Variants in MALRD1 observed in about 807,000 individuals in gnomAD.
MALRD1 encodes MAM and LDL-receptor class A domain-containing protein 1.
In MALRD1, 247 loss-of-function variants were observed where a neutral mutation model predicts 242.1. That is an observed-to-expected ratio of 1.02 (90% CI 0.92 to 1.13). The LOEUF (loss-of-function observed/expected upper bound fraction) is 1.13, where lower values mean the gene tolerates loss of function less well. MALRD1 is among the 50% of genes most tolerant of loss of function. The pLI is 0.00. For synonymous variants in MALRD1, 995 were observed against 866.6 expected, an observed-to-expected ratio of 1.15 and a Z score of -2.60; for missense variants, 2,989 against 2,533.1, an observed-to-expected ratio of 1.18 and a Z score of -3.86.
chr10:19,285,125 T>G (rs1367791973), intron 21 of MALRD1, among the ~76,000 whole-genome samples: 19 of 138,020 alleles, frequency 1.4e-4, no homozygotes, highest in Middle Eastern at 3.6e-3. Context: ...TAAATTTGTT[T>G]GAGTTCATTG....
intron 18 of MALRD1, among the ~76,000 whole-genome samples, chr10:19,214,791 A>G (rs1837234579): frequency 6.6e-6 from 1 of 152,220 alleles, no homozygotes; most frequent in South Asian, 2.1e-4. Flanking sequence ...GCCAAATCAG[A>G]GCTGTAAGGT....
At chr10:19,171,342 G>A (rs1321964782) in intron 13 of MALRD1, among the ~76,000 whole-genome samples, 1 of 150,184 alleles carries the variant, frequency 6.7e-6, no homozygotes, top group Non-Finnish European at 1.5e-5. Flanking sequence ...GCTCTTCTGA[G>A]TGACCTCTTT....
chr10:19,680,417 T>C (rs1336035409), intron 36 of MALRD1, among the ~76,000 whole-genome samples: 2 of 152,142 alleles, frequency 1.3e-5, no homozygotes, highest in African/African-American at 2.4e-5. Flanking sequence ...TTTTTGATCT[T>C]TGTTGGTTTA....
intron 28 of MALRD1, among the ~76,000 whole-genome samples, chr10:19,407,592 G>A (rs1466624010): frequency 6.6e-6 from 1 of 151,908 alleles, no homozygotes; most frequent in Non-Finnish European, 1.5e-5. Flanking sequence ...AATAGAAAAG[G>A]CAACTAATAA....
Position 19,481,830 on chromosome 10 carries a change from G to A in MALRD1, c.5030-9687G>A, listed in dbSNP as rs138339254. 1.4e-4 allele frequency among the ~76,000 whole-genome samples: 21 copies of A among 152,086 alleles called. No individual in the cohort carries two copies. The South Asian group carries it at 2.7e-3, about 20-fold the overall frequency. On this transcript the variant is annotated intron_variant, in intron 29 of 39. Transcript: ENST00000454679. ...GGTCATCAACAATTTATATTAACACGCCAGTACAAGCTGGGGCTGCTTTTA... is the reference window on the plus strand; with the variant it reads ...GGTCATCAACAATTTATATTAACACACCAGTACAAGCTGGGGCTGCTTTTA...
intron 18 of MALRD1, among the ~76,000 whole-genome samples, chr10:19,251,514 G>T (rs1216913352): frequency 6.6e-6 from 1 of 151,890 alleles, no homozygotes; most frequent in Non-Finnish European, 1.5e-5. Flanking sequence ...GAAATGGAAG[G>T]TACTTCTCTG....
chr10:19,554,422 C>T (rs1835622739), intron 32 of MALRD1, among the ~76,000 whole-genome samples: 1 of 152,066 alleles, frequency 6.6e-6, no homozygotes, highest in Non-Finnish European at 1.5e-5. Flanking sequence ...GGTACATGCG[C>T]AGGATGTGCA....
In MALRD1 at chr10:19,583,714, G is replaced by A. The variant is rs1837246059; in HGVS notation, c.5681-11480G>A. On this transcript the variant is annotated intron_variant, in intron 33 of 39. Coordinates refer to ENST00000454679, the MANE Select transcript of MALRD1 (RefSeq NM_001142308.3). ...TTTGGTTGTGTCTCTGCCCGGCTTT[G>A]GTATCAGGATGATGCTGGCCTCATA... Among the ~76,000 whole-genome samples the A allele has an allele frequency of 2.0e-5, 3 of 151,872 alleles. No homozygotes were observed. The South Asian group carries it at 6.3e-4, about 32-fold the overall frequency.
chr10:19,080,075 C>T (rs1297389128), intron 2 of MALRD1, among the ~76,000 whole-genome samples: 1 of 151,844 alleles, frequency 6.6e-6, no homozygotes, highest in Non-Finnish European at 1.5e-5. Context: ...AATGAAGGAC[C>T]TCTTCAAGGA....
chr10:19,140,258 A>C (rs1048678936), intron 10 of MALRD1, among the ~76,000 whole-genome samples: 2 of 152,154 alleles, frequency 1.3e-5, no homozygotes, highest in Admixed American at 1.3e-4. Context: ...TGCACAATGA[A>C]ATTCTTTCTT....
chr10:19,389,399 A>G (rs1406079584), intron 27 of MALRD1, 53 bp from the exon 28 acceptor site: 8 of 1,516,376 alleles, frequency 5.3e-6, no homozygotes, highest in Middle Eastern at 1.7e-4. Context: ...AAATGCAAAA[A>G]TAATCCCATC....
At chr10:19,238,532 C>CAATGTAT (rs1838576262) in intron 18 of MALRD1, among the ~76,000 whole-genome samples, 3 of 55,866 alleles carry the variant, frequency 5.4e-5, no homozygotes, top group African/African-American at 1.5e-4. Context: ...ATATAATATA[C>CAATGTAT]ATTATATATA....
chr10:19,642,646 A>G (rs1840445755), intron 36 of MALRD1, among the ~76,000 whole-genome samples: 1 of 152,210 alleles, frequency 6.6e-6, no homozygotes, highest in Admixed American at 6.5e-5. Context: ...AAGATCTGAA[A>G]GCAACAACAA....
At chr10:19,272,253 A>C (rs552847135) in intron 19 of MALRD1, among the ~76,000 whole-genome samples, 42 of 152,212 alleles carry the variant, frequency 2.8e-4, no homozygotes, top group African/African-American at 8.9e-4. Context: ...GTGATTGATA[A>C]ATTAAAGGTC....
chr10:19,108,915 A>T (rs1372060761), intron 5 of MALRD1, among the ~76,000 whole-genome samples: 1 of 152,082 alleles, frequency 6.6e-6, no homozygotes, highest in Admixed American at 6.5e-5. Flanking sequence ...CTATGTTGAT[A>T]TCTGTGCAAC....
chr10:19,378,134 G>A (rs907670590), intron 26 of MALRD1, among the ~76,000 whole-genome samples: 1 of 151,988 alleles, frequency 6.6e-6, no homozygotes, highest in East Asian at 1.9e-4. Flanking sequence ...CTTCTAGAGG[G>A]CCAGTATTAG....
Position 19,370,425 on chromosome 10 carries a change from A to G in MALRD1, c.4442-17103A>G, listed in dbSNP as rs143807526. 9.4e-3 allele frequency among the ~76,000 whole-genome samples: 1,422 copies of G among 152,076 alleles called. 22 individuals are homozygous for G. Among genetic ancestry groups the G allele is most frequent in the South Asian group, 0.012 (57 of 4,822 alleles). ...GTGCTGCTTTTTAGTTTGATTGTAT[A>G]GATCTTGTCTATATTTTTAAAAAAA... On this transcript the variant is annotated intron_variant, in intron 26 of 39. Coordinates refer to ENST00000454679, the MANE Select transcript of MALRD1 (RefSeq NM_001142308.3).
chr10:19,607,003 A>G (rs1838670976), intron 34 of MALRD1, among the ~76,000 whole-genome samples: 1 of 152,138 alleles, frequency 6.6e-6, no homozygotes, highest in Non-Finnish European at 1.5e-5. Context: ...TGTATACAGA[A>G]AGGTAAAGTG....
chr10:19,149,471 GTTAA>G (rs1292978818), intron 11 of MALRD1, among the ~76,000 whole-genome samples: 1 of 152,008 alleles, frequency 6.6e-6, no homozygotes, highest in Admixed American at 6.6e-5. Flanking sequence ...GGCAACTCAT[GTTAA>G]TTATGTTCCA....
Sources: gnomAD v4.1 joint callset for allele counts (sites outside exome capture counted in the v4.1 genomes callset) on GRCh38, gnomAD v4.1.1 for gene constraint, MANE v1.5 for transcripts, NCBI Gene and HGNC (gene_info 2026-07-23, HGNC 2026-07-21) for gene names.